Variants in NTAN1 observed in about 807,000 individuals in gnomAD.
NTAN1 encodes N-terminal asparagine amidase.
NTAN1 carries 32 observed loss-of-function variants against 41.9 expected under a neutral mutation model. That is an observed-to-expected ratio of 0.76 (90% confidence interval 0.58 to 1.03). NTAN1 has a LOEUF of 1.03. NTAN1 is among the 50% of genes least tolerant of loss of function. NTAN1 has a pLI of 0.00. For missense variants in NTAN1, 377 were observed against 377.5 expected (o/e 1.00, Z 0.01); for synonymous variants, 140 against 139.5 (o/e 1.00, Z -0.03).
At position 15,055,976 on chromosome 16, in the gene NTAN1, G is replaced by C. The variant is rs2044498677; in HGVS notation, c.-5C>G. 1.6e-5 allele frequency: 20 copies of C among 1,220,402 alleles called. No homozygotes were observed. The highest frequency in any genetic ancestry group is 1.9e-5 in the Non-Finnish European group (19 of 980,350). The allele number at this position is 1,220,402 out of a possible 1,614,324, so 75.6% of individuals were successfully genotyped here. ...CCCCTCGACGAGCAGCGGCATCGCG[G>C]AGGCGGCCGCCCAGGCAGGCCCAGG... On this transcript the variant is annotated 5_prime_UTR_variant, in exon 1 of 10. Transcript: ENST00000287706.
At chr16:15,040,513 A>G (rs77126313) in intron 7 of NTAN1, 35 of 175,264 alleles carry the variant, frequency 2.0e-4, no homozygotes, top group African/African-American at 8.3e-4. Flanking sequence ...TCAATCAAGT[A>G]TCACCGCTAC....
At chr16:15,040,986 G>A (rs2043789749) in intron 7 of NTAN1, 82 bp downstream of exon 7, 2 of 932,864 alleles carry the variant, frequency 2.1e-6, no homozygotes, top group Admixed American at 3.4e-5. Context: ...CCTGACAGCA[G>A]TGGGGTCATT....
rs371093897 is a variant in NTAN1 at position 15,040,025 on chromosome 16, G to C, written c.583C>G (p.Gln195Glu). The C allele has an allele frequency of 7.4e-5, 120 of 1,612,116 alleles. 1 individual carries two copies. The highest frequency in any genetic ancestry group is 6.9e-4 in the East Asian group (31 of 44,844). ...KTAEIYRASF[Q>E]DRGPEEQLRA... Reference sequence around the variant, plus strand: ...AGCTGCTCCTCCGGACCCCGATCTTGAAAGGATGCTCTGTAAATCTCTGCA... The same window carrying C: ...AGCTGCTCCTCCGGACCCCGATCTTCAAAGGATGCTCTGTAAATCTCTGCA... Residue 195 changes from glutamine to glutamate, a missense_variant, in exon 8 of 10, where the codon CAA becomes GAA. Gln to Glu is a conservative substitution (Grantham distance 29). Transcript: ENST00000287706.
intron 1 of NTAN1, among the ~76,000 whole-genome samples, chr16:15,052,134 G>C (rs1323920185): frequency 6.6e-6 from 1 of 152,092 alleles, no homozygotes; most frequent in African/African-American, 2.4e-5. Flanking sequence ...TAAATATTTG[G>C]GGTTCTACAA....
At chr16:15,041,798 CGCGCCCACACTGCCACAGCCT>C in intron 5 of NTAN1, 122 bp from the exon 6 acceptor site, 1 of 737,002 alleles carries the variant, frequency 1.4e-6, no homozygotes. Context: ...CCCTACAGCC[CGCGCCCACACTGCCACAGCCT>C]GGCCTATGGG....
Position 15,048,078 on chromosome 16 carries a change from C to T in NTAN1, c.103G>A (p.Gly35Ser). The change falls in exon 2 of 10, where the codon GGT becomes AGT. Residue 35 changes from glycine to serine, a missense_variant. By Grantham distance (56) the Gly-to-Ser change is moderately conservative. Coordinates refer to ENST00000287706, the MANE Select transcript of NTAN1 (RefSeq NM_173474.4). ...GGTCCCACTTGTTGAACAGACTGAC[C>T]TCTGAGAAGTCTGGCTCTTTCCTGT... ...PLEERARLLR[G>S]QSVQQVGPQG... 6.2e-7 allele frequency: 1 copy of T among 1,609,748 alleles called. No individual in the cohort carries two copies. The highest frequency in any genetic ancestry group is 1.1e-5 in the South Asian group (1 of 90,750).
chr16:15,042,312 A>C (rs1204704406), intron 5 of NTAN1, among the ~76,000 whole-genome samples: 2 of 151,614 alleles, frequency 1.3e-5, no homozygotes. Context: ...CAGCCTCCCA[A>C]GTAGCTGGGA....
intron 1 of NTAN1, among the ~76,000 whole-genome samples, chr16:15,051,973 T>C (rs1239643398): frequency 1.3e-5 from 2 of 152,122 alleles, no homozygotes; most frequent in African/African-American, 4.8e-5. Context: ...GTCCCAGTTT[T>C]CTTAACCTCT....
Position 15,038,071 on chromosome 16 carries a change from T to G in NTAN1, c.893A>C (p.Glu298Ala), listed in dbSNP as rs1398979829. The G allele has an allele frequency of 1.2e-6, 2 of 1,612,492 alleles. No homozygotes were observed. ...AGAGATCTTTTCCCACAAGCCATCT[T>G]CATTTTTTTTGTAGAGTAGGGCTTT... Reference protein sequence around the residue: ...GNKALLYKKNEDGLWEKISSP... With the variant: ...GNKALLYKKNADGLWEKISSP... The change falls in exon 10 of 10, where the codon GAA becomes GCA. Residue 298 changes from glutamate to alanine, a missense_variant. Glu to Ala is a moderately radical substitution (Grantham distance 107). Transcript: ENST00000287706.
rs774004316 is a variant in NTAN1 at position 15,044,440 on chromosome 16, A to G, written c.360-33T>C. 2.1e-6 allele frequency: 3 copies of G among 1,431,334 alleles called. No homozygotes were observed. The Admixed American group carries it at 5.0e-5, about 24-fold the overall frequency. 88.7% of individuals were successfully genotyped at this position (1,431,334 alleles called of 1,614,324 possible). ...AGAGATGAGACGGGTCAGAGGCCAG[A>G]AGAAGACACCGGTGCGTGCGCTGGT... On this transcript the variant is annotated intron_variant, in intron 4 of 9. Coordinates refer to ENST00000287706, the MANE Select transcript of NTAN1 (RefSeq NM_173474.4).
chr16:15,047,249 T>C (rs2044111075), intron 4 of NTAN1, 193 bp downstream of exon 4: 2 of 586,140 alleles, frequency 3.4e-6, no homozygotes, highest in Non-Finnish European at 6.1e-6. Flanking sequence ...ACTCCTTGCC[T>C]GTGCCCAGCA....
At chr16:15,047,694 C>G in intron 3 of NTAN1, 144 bp from the exon 4 acceptor site, 3 of 893,118 alleles carry the variant, frequency 3.4e-6, no homozygotes, top group South Asian at 1.4e-5. Context: ...CCCCAGCCAA[C>G]CCATTCTGAC....
intron 4 of NTAN1, 138 bp from the exon 5 acceptor site, chr16:15,044,545 A>G: frequency 1.5e-6 from 1 of 668,164 alleles, no homozygotes; most frequent in Non-Finnish European, 2.7e-6. Flanking sequence ...TGCCACCGCA[A>G]AAGAAAGTAT....
chr16:15,042,718 C>CTATTTATTTATTTATTTATT lies in NTAN1; in HGVS notation c.434-1062_434-1043dup, dbSNP rs58123477. Among the ~76,000 whole-genome samples, 694 of 147,096 alleles carry CTATTTATTTATTTATTTATT rather than the reference C, an allele frequency of 4.7e-3. 5 individuals are homozygous for CTATTTATTTATTTATTTATT. The highest frequency in any genetic ancestry group is 0.011 in the African/African-American group (463 of 40,314). On this transcript the variant is annotated intron_variant, in intron 5 of 9. Coordinates refer to ENST00000287706, the MANE Select transcript of NTAN1 (RefSeq NM_173474.4). ...GGGAATTACTGGGTCAAAGGATGAA[C>CTATTTATTTATTTATTTATT]TATTTATTTATTTATTTATTTATTT...
At chr16:15,052,792 T>C (rs2044347973) in intron 1 of NTAN1, among the ~76,000 whole-genome samples, 1 of 151,964 alleles carries the variant, frequency 6.6e-6, no homozygotes, top group South Asian at 2.1e-4. Context: ...GCCATTGCAC[T>C]CCAGCCTGGG....
chr16:15,055,828 G>A, intron 1 of NTAN1, 63 bp downstream of exon 1: 1 of 920,918 alleles, frequency 1.1e-6, no homozygotes, highest in East Asian at 3.3e-5. Flanking sequence ...TGAGGGGGGC[G>A]CTAGCCCGCC....
At chr16:15,055,143 G>T (rs993004245) in intron 1 of NTAN1, among the ~76,000 whole-genome samples, 3 of 152,082 alleles carry the variant, frequency 2.0e-5, no homozygotes, top group Non-Finnish European at 4.4e-5. Flanking sequence ...CCTTTAACAG[G>T]ATCTATGGCA....
chr16:15,044,696 G>A, intron 4 of NTAN1: 2 of 479,036 alleles, frequency 4.2e-6, no homozygotes, highest in Non-Finnish European at 7.5e-6. Flanking sequence ...GAAGAGCACA[G>A]GCACAGGACA....
chr16:15,038,458 AAGTTACTACCCGCC>A (rs1421114116), intron 9 of NTAN1, 102 bp downstream of exon 9: 2 of 665,064 alleles, frequency 3.0e-6, no homozygotes, highest in African/African-American at 1.8e-5. Context: ...GGCATCCAAA[AAGTTACTACCCGCC>A]AAAGGGAAAG....
Sources: allele counts gnomAD v4.1 joint callset (sites outside exome capture counted in the v4.1 genomes callset), GRCh38; gene constraint gnomAD v4.1.1; transcripts MANE v1.5; gene names NCBI Gene and HGNC (gene_info 2026-07-23, HGNC 2026-07-21).